The following SYNPR variants were observed in gnomAD, a reference collection of about 807,000 sequenced individuals.
SYNPR encodes synaptoporin.
In SYNPR, 23 loss-of-function variants were observed where a neutral mutation model predicts 32.9. The ratio of observed to expected loss-of-function variants is 0.70; its 90% CI spans 0.50 to 0.99. SYNPR has a LOEUF of 0.99. SYNPR is among the 50% of genes least tolerant of loss of function. The pLI is 0.00. For missense variants in SYNPR, 318 were observed against 349.3 expected (o/e 0.91, Z 0.71); for synonymous variants, 146 against 135.9 (o/e 1.07, Z -0.52).
intron 2 of SYNPR, among the ~76,000 whole-genome samples, chr3:63,328,769 T>A (rs1172248284): frequency 6.6e-6 from 1 of 152,146 alleles, no homozygotes; most frequent in East Asian, 1.9e-4. Context: ...TATGGCTAAA[T>A]AAACTTGCCA....
intron 2 of SYNPR, among the ~76,000 whole-genome samples, chr3:63,441,133 A>G (rs1447104157): frequency 6.6e-6 from 1 of 152,330 alleles, no homozygotes; most frequent in East Asian, 1.9e-4. Flanking sequence ...CAGATAAGTT[A>G]CTTAACTCTT....
At position 63,237,978 on chromosome 3, in the gene SYNPR, C is replaced by T. The variant is rs552956917; in HGVS notation, n.66+9598C>T. Among the ~76,000 whole-genome samples the T allele has an allele frequency of 2.0e-5, 3 of 152,200 alleles. No homozygotes were observed. The South Asian group carries it at 6.2e-4, about 32-fold the overall frequency. Reference sequence around the variant, plus strand: ...TCTCAATTGCTCCTCCCCACCTATGCCACTGGACTTGCTTGATGTTGTTGG... The same window carrying T: ...TCTCAATTGCTCCTCCCCACCTATGTCACTGGACTTGCTTGATGTTGTTGG... On this transcript the variant is annotated intron_variant and non_coding_transcript_variant, in intron 1 of 4. Coordinates refer to the SYNPR transcript ENST00000478456.
At chr3:63,200,745 GGATATT>G in the SYNPR span, among the ~76,000 whole-genome samples, 2 of 152,132 alleles carry the variant, frequency 1.3e-5, no homozygotes, top group Non-Finnish European at 2.9e-5. Flanking sequence ...ATTAGAGAAA[GGATATT>G]GACTCTAACT....
At chr3:63,515,203 C>G (rs1187660499) in intron 3 of SYNPR, among the ~76,000 whole-genome samples, 4 of 152,014 alleles carry the variant, frequency 2.6e-5, no homozygotes, top group Non-Finnish European at 5.9e-5. Flanking sequence ...GCCTTCAAAA[C>G]ATCTGCGAGC....
intron 2 of SYNPR, among the ~76,000 whole-genome samples, chr3:63,408,266 A>AAAGG (rs2088403150): frequency 8.1e-6 from 1 of 123,426 alleles, no homozygotes; most frequent in Non-Finnish European, 1.7e-5. Flanking sequence ...AGAAAGAAAG[A>AAAGG]AAGAAAGAAA....
At chr3:63,324,297 C>T (rs568517109) in intron 2 of SYNPR, among the ~76,000 whole-genome samples, 54 of 152,080 alleles carry the variant, frequency 3.6e-4, no homozygotes, top group Non-Finnish European at 7.1e-4. Context: ...TATCAGTGAC[C>T]TCAACCTGAA....
intron 2 of SYNPR, among the ~76,000 whole-genome samples, chr3:63,288,685 A>AT (rs1407955977): frequency 6.6e-6 from 1 of 152,198 alleles, no homozygotes; most frequent in Non-Finnish European, 1.5e-5. Flanking sequence ...TTATTCACAT[A>AT]TTTGTTGGTA....
intron 2 of SYNPR, among the ~76,000 whole-genome samples, chr3:63,457,312 C>T (rs1048948240): frequency 2.0e-5 from 3 of 152,098 alleles, no homozygotes; most frequent in Non-Finnish European, 4.4e-5. Flanking sequence ...TTATTCTAGT[C>T]ATGCCATTCT....
chr3:63,360,648 C>G (rs1393117356), intron 2 of SYNPR, among the ~76,000 whole-genome samples: 1 of 152,122 alleles, frequency 6.6e-6, no homozygotes. Context: ...GTTCTTTGAA[C>G]ATACTAGTTC....
chr3:63,378,715 GAT>G (rs1455529120), intron 2 of SYNPR, among the ~76,000 whole-genome samples: 2 of 151,974 alleles, frequency 1.3e-5, no homozygotes, highest in Non-Finnish European at 2.9e-5. Flanking sequence ...GGTCTGTAGC[GAT>G]ATATACCCTG....
At chr3:63,540,926 C>CA (rs1372332095) in intron 3 of SYNPR, among the ~76,000 whole-genome samples, 2 of 126,180 alleles carry the variant, frequency 1.6e-5, no homozygotes, top group African/African-American at 6.2e-5. Context: ...ACAATCCCCC[C>CA]CCCAACACAC....
At chr3:63,297,202 C>T (rs930230361) in intron 2 of SYNPR, among the ~76,000 whole-genome samples, 2 of 152,128 alleles carry the variant, frequency 1.3e-5, no homozygotes, top group African/African-American at 4.8e-5. Context: ...TTAAAACATT[C>T]ATTTTTACAT....
At chr3:63,262,075 G>A (rs1269514373) in intron 2 of SYNPR, among the ~76,000 whole-genome samples, 2 of 149,004 alleles carry the variant, frequency 1.3e-5, no homozygotes, top group African/African-American at 5.0e-5. Flanking sequence ...TACCATTACA[G>A]TTTTCATTTT....
intron 3 of SYNPR, among the ~76,000 whole-genome samples, chr3:63,534,620 G>A (rs756077367): frequency 1.3e-5 from 2 of 152,158 alleles, no homozygotes; most frequent in African/African-American, 2.4e-5. Flanking sequence ...AGCCGAGACT[G>A]AGTAGTCTAT....
chr3:63,475,565 A>AGATGT (rs1299328061), intron 2 of SYNPR, among the ~76,000 whole-genome samples: 4 of 152,208 alleles, frequency 2.6e-5, no homozygotes, highest in Non-Finnish European at 5.9e-5. Context: ...GGCTGAAGAT[A>AGATGT]GATGTGTGGA....
intron 3 of SYNPR, among the ~76,000 whole-genome samples, chr3:63,503,685 T>C (rs1701527791): frequency 6.6e-6 from 1 of 152,090 alleles, no homozygotes; most frequent in African/African-American, 2.4e-5. Context: ...TTAAAATGTA[T>C]TTTTTTCTAA....
intron 2 of SYNPR, among the ~76,000 whole-genome samples, chr3:63,338,206 G>C (rs964526939): frequency 3.3e-5 from 5 of 152,124 alleles, no homozygotes; most frequent in Admixed American, 3.3e-4. Context: ...TTTGTTTAAA[G>C]GAATCTAGCC....
At chr3:63,347,819 C>T (rs1479091037) in intron 2 of SYNPR, among the ~76,000 whole-genome samples, 2 of 151,566 alleles carry the variant, frequency 1.3e-5, no homozygotes, top group Non-Finnish European at 2.9e-5. Context: ...CTTTTTATGG[C>T]TGAATAGTAT....
At chr3:63,320,067 A>G (rs1476055423) in intron 2 of SYNPR, among the ~76,000 whole-genome samples, 1 of 152,012 alleles carries the variant, frequency 6.6e-6, no homozygotes, top group African/African-American at 2.4e-5. Flanking sequence ...CTCCTGCCTC[A>G]GCCTCCAGAG....
Sources: gnomAD v4.1 joint callset for allele counts (sites outside exome capture counted in the v4.1 genomes callset) on GRCh38, gnomAD v4.1.1 for gene constraint, MANE v1.5 for transcripts, NCBI Gene and HGNC (gene_info 2026-07-23, HGNC 2026-07-21) for gene names.